The following RMDN3 variants were observed in gnomAD, a reference collection of about 807,000 sequenced individuals.
RMDN3 encodes regulator of microtubule dynamics 3.
In RMDN3, 41 loss-of-function variants were observed where a neutral mutation model predicts 61.8. That is an observed-to-expected ratio of 0.66 (90% CI 0.52 to 0.86). The LOEUF (loss-of-function observed/expected upper bound fraction) is 0.86, where lower values mean the gene tolerates loss of function less well. Among genes scored for constraint, RMDN3 ranks in the 40% least tolerant of loss-of-function variants. The probability of loss-of-function intolerance (pLI) is 0.00; values close to 1 mark genes in which losing one functional copy is unlikely to be tolerated. For missense variants in RMDN3, 557 were observed against 585.3 expected (o/e 0.95, Z 0.50); for synonymous variants, 247 against 232.0 (o/e 1.06, Z -0.59).
chr15:40,736,380 G>A lies in RMDN3; in HGVS notation c.*161C>T. On this transcript the variant is annotated 3_prime_UTR_variant, in exon 13 of 13. Coordinates refer to ENST00000338376, the MANE Select transcript of RMDN3 (RefSeq NM_018145.3). ...GCCCCAATTCTAGATTAGGTTAGAG[G>A]TTAGAATAAATTAACTAATGGGGAG... The A allele has an allele frequency of 3.1e-6, 2 of 640,654 alleles. No individual in the cohort carries two copies. The highest frequency in any genetic ancestry group is 2.0e-5 in the South Asian group (1 of 51,170). 39.7% of individuals were successfully genotyped at this position (640,654 alleles called of 1,614,324 possible). A position where few individuals can be genotyped will look rare whatever the true frequency, so the allele number is the denominator to read the frequency against.
Position 40,736,861 on chromosome 15 carries a change from G to GT in RMDN3, c.1359+262dup, listed in dbSNP as rs1033196823. ...CAGTGATGACAGGCAGTTTTGTTTGGTTTTTTTTTGAGATGGAGTTTTGCT... is the reference window on the plus strand; with the variant it reads ...CAGTGATGACAGGCAGTTTTGTTTGGTTTTTTTTTTGAGATGGAGTTTTGCT... On this transcript the variant is annotated intron_variant, in intron 12 of 12. Coordinates refer to ENST00000338376, the MANE Select transcript of RMDN3 (RefSeq NM_018145.3). Among the ~76,000 whole-genome samples the GT allele has an allele frequency of 2.7e-3, 405 of 151,230 alleles. 4 individuals carry two copies. Among genetic ancestry groups the GT allele is most frequent in the African/African-American group, 8.6e-3 (355 of 41,222 alleles).
At chr15:40,736,693 G>T in intron 12 of RMDN3, 99 bp from the exon 13 acceptor site, 1 of 1,020,780 alleles carries the variant, frequency 9.8e-7, no homozygotes, top group Non-Finnish European at 1.5e-6. Context: ...TCCTTCCTGA[G>T]CTCTGCTACA....
At chr15:40,752,484 G>C (rs1897870943) in intron 2 of RMDN3, among the ~76,000 whole-genome samples, 1 of 119,404 alleles carries the variant, frequency 8.4e-6, no homozygotes. Context: ...TGTCCTGCTA[G>C]AGTTAAAAAA....
At position 40,736,496 on chromosome 15, in the gene RMDN3, C is replaced by T; in HGVS notation, c.*45G>A. On this transcript the variant is annotated 3_prime_UTR_variant, in exon 13 of 13. Coordinates refer to ENST00000338376, the MANE Select transcript of RMDN3 (RefSeq NM_018145.3). ...AAGGAAAAAAGCCTCCCCGCCCCCCCACCTTAAATAGTGGCATCAAGTCAT... is the reference window on the plus strand; with the variant it reads ...AAGGAAAAAAGCCTCCCCGCCCCCCTACCTTAAATAGTGGCATCAAGTCAT... The T allele has an allele frequency of 6.3e-7, 1 of 1,585,344 alleles. No homozygotes were observed. Among genetic ancestry groups the T allele is most frequent in the South Asian group, 1.1e-5 (1 of 90,300 alleles).
In RMDN3 at chr15:40,745,194, TC is replaced by T; in HGVS notation, c.589del (p.Glu197LysfsTer4). On this transcript the variant is annotated frameshift_variant, in exon 5 of 13. Coordinates refer to ENST00000338376, the MANE Select transcript of RMDN3 (RefSeq NM_018145.3). LOFTEE classifies it high-confidence loss of function. ...CACAGTCTCACAGCTCACTTCATCT[TC>T]CCCGTCCTCACTTTCTTTGTCAGAG... Reference protein sequence around the residue: ...RDSDKESEDGEDEVSCETVKM... With the variant: ...RDSDKESEDGXDEVSCETVKM... 1 of 1,613,970 alleles carries T rather than the reference TC, an allele frequency of 6.2e-7. No individual in the cohort carries two copies. The highest frequency in any genetic ancestry group is 8.5e-7 in the Non-Finnish European group (1 of 1,179,992).
At chr15:40,742,519 T>A (rs916060590) in intron 6 of RMDN3, among the ~76,000 whole-genome samples, 1 of 152,190 alleles carries the variant, frequency 6.6e-6, no homozygotes, top group South Asian at 2.1e-4. Flanking sequence ...GACAAGACAT[T>A]GCCTGAGACC....
rs775310669 is a variant in RMDN3 at position 40,736,523 on chromosome 15, A to AAGGCCAGTGAAACGTGGTTAGTCTC, written c.1406_*17dup. The AAGGCCAGTGAAACGTGGTTAGTCTC allele has an allele frequency of 1.9e-6, 3 of 1,612,136 alleles. No homozygotes were observed. Among genetic ancestry groups the AAGGCCAGTGAAACGTGGTTAGTCTC allele is most frequent in the Admixed American group, 1.7e-5 (1 of 59,962 alleles). On this transcript the variant is annotated 3_prime_UTR_variant, in exon 13 of 13. Coordinates refer to ENST00000338376, the MANE Select transcript of RMDN3 (RefSeq NM_018145.3). ...CCTTAAATAGTGGCATCAAGTCATG[A>AAGGCCAGTGAAACGTGGTTAGTCTC]AGGCCAGTGAAACGTGGTTAGTCTC...
intron 12 of RMDN3, 104 bp from the exon 13 acceptor site, chr15:40,736,698 G>A (rs1897064224): frequency 1.0e-6 from 1 of 973,726 alleles, no homozygotes; most frequent in African/African-American, 1.6e-5. Flanking sequence ...CCTGAGCTCT[G>A]CTACAGTCTT....
intron 3 of RMDN3, 109 bp downstream of exon 3, chr15:40,751,877 G>A: frequency 8.3e-7 from 1 of 1,200,208 alleles, no homozygotes; most frequent in African/African-American, 1.5e-5. Context: ...TAGGCTAGAA[G>A]CTATAGAACT....
rs1320437344 is a variant in RMDN3, at chr15:40,745,017, T to C, written c.767A>G (p.Lys256Arg). ...GAGCAGCAGCTGGAAGCCCTCCCGCTTGCCTTGCTCATCACCCCTGTGCAG... is the reference window on the plus strand; with the variant it reads ...GAGCAGCAGCTGGAAGCCCTCCCGCCTGCCTTGCTCATCACCCCTGTGCAG... ...DELHRGDEQG[K>R]REGFQLLLNN... is the part of the protein sequence containing the mutation. The change falls in exon 5 of 13, where the codon AAG (lysine) becomes AGG (arginine). Residue 256 changes from lysine (K) to arginine (R), a missense_variant. Physicochemically the swap from Lys to Arg is conservative, Grantham distance 26. Coordinates refer to ENST00000338376, the MANE Select transcript of RMDN3 (RefSeq NM_018145.3). 2 of 1,611,430 alleles carry C rather than the reference T, an allele frequency of 1.2e-6. No homozygotes were observed. The highest frequency in any genetic ancestry group is 1.3e-5 in the African/African-American group (1 of 74,820).
chr15:40,744,484 G>A (rs1171806636), intron 5 of RMDN3, among the ~76,000 whole-genome samples: 1 of 149,998 alleles, frequency 6.7e-6, no homozygotes, highest in Non-Finnish European at 1.5e-5. Context: ...AAAGGAAAAG[G>A]GAAACTTCTA....
rs754228881 is a variant in RMDN3, at chr15:40,740,181, GCTT to G, written c.920_922del (p.Glu307del). On this transcript the variant is annotated inframe_deletion, in exon 7 of 13. Coordinates refer to ENST00000338376, the MANE Select transcript of RMDN3 (RefSeq NM_018145.3). Reference sequence around the variant, plus strand: ...ATCCCCCTTCTCCAGAGCAGCCTCTGCTTCTTCTTTTCCTGTAGGACGAAGGTA... The same window carrying G: ...ATCCCCCTTCTCCAGAGCAGCCTCTGCTTCTTTTCCTGTAGGACGAAGGTA... 1.1e-4 allele frequency: 183 copies of G among 1,610,764 alleles called. No individual in the cohort carries two copies. Among genetic ancestry groups the G allele is most frequent in the South Asian group, 1.5e-4 (14 of 90,688 alleles).
In RMDN3 at chr15:40,752,177, C is replaced by T; in HGVS notation, c.189G>A (p.Val63=). 6.2e-7 allele frequency: 1 copy of T among 1,612,644 alleles called. No individual in the cohort carries two copies. The highest frequency in any genetic ancestry group is 1.1e-5 in the South Asian group (1 of 90,930). ...CACCTGGGACAGCCCGCAGGAGCAT[C>T]ACTGAAGGGGGAAACGAATGGGAGC... ...YTQTSDPGRH[V]MLLRAVPGGA... The change falls in exon 3 of 13, where the codon GTG becomes GTA. Residue 63 remains valine, a splice_region_variant and synonymous_variant. Transcript: ENST00000338376.
Position 40,754,593 on chromosome 15 carries a change from C to T in RMDN3, c.187+4G>A. 1 of 1,609,408 alleles carries T rather than the reference C, an allele frequency of 6.2e-7. No individual in the cohort carries two copies. Among genetic ancestry groups the T allele is most frequent in the Non-Finnish European group, 8.5e-7 (1 of 1,177,032 alleles). On this transcript the variant is annotated splice_donor_region_variant and intron_variant, in intron 2 of 12. Transcript: ENST00000338376. ...GACCGCGGTCTCAGGAGACGGGCTC[C>T]TACCGTGGCGTCCGGGATCTGAAGT...
At chr15:40,743,199 T>C (rs537641326) in intron 6 of RMDN3, among the ~76,000 whole-genome samples, 31 of 152,224 alleles carry the variant, frequency 2.0e-4, no homozygotes, top group Non-Finnish European at 2.9e-4. Flanking sequence ...GGTGGGTGAA[T>C]CAGTTGAGGC....
At chr15:40,738,307 G>A (rs1382805322) in intron 8 of RMDN3, among the ~76,000 whole-genome samples, 194 bp downstream of exon 8, 4 of 152,096 alleles carry the variant, frequency 2.6e-5, no homozygotes, top group Non-Finnish European at 5.9e-5. Flanking sequence ...AGAATCGCTT[G>A]AACCCAGGAG....
chr15:40,745,278 G>C lies in RMDN3; in HGVS notation c.525-19C>G. 1 of 1,610,652 alleles carries C rather than the reference G, an allele frequency of 6.2e-7. No individual in the cohort carries two copies. The highest frequency in any genetic ancestry group is 8.5e-7 in the Non-Finnish European group (1 of 1,178,976). ...TGTGTAACTGGCAGAGAAATGTAAG[G>C]GACAACAAGAGGATTATTCAGCTCA... is the stretch of plus-strand genomic sequence containing the variant. On this transcript the variant is annotated intron_variant, in intron 4 of 12. Transcript: ENST00000338376.
chr15:40,754,788 C>A lies in RMDN3; in HGVS notation c.-5G>T. 3 of 1,557,036 alleles carry A rather than the reference C, an allele frequency of 1.9e-6. No homozygotes were observed. The highest frequency in any genetic ancestry group is 2.3e-5 in the South Asian group (2 of 86,348). ...CAGGGCTCCCAGTCTAGACATGCTG[C>A]ACCTGCGGCCAGCAGAAGTCACCGG... On this transcript the variant is annotated splice_region_variant and 5_prime_UTR_variant, in exon 2 of 13. Transcript: ENST00000338376.
At chr15:40,741,155 T>C (rs763234218) in intron 6 of RMDN3, among the ~76,000 whole-genome samples, 2 of 151,950 alleles carry the variant, frequency 1.3e-5, no homozygotes, top group Non-Finnish European at 2.9e-5. Context: ...GCAGTGTCCA[T>C]GAATCTCAAG....
Sources: allele counts gnomAD v4.1 joint callset (sites outside exome capture counted in the v4.1 genomes callset), GRCh38; gene constraint gnomAD v4.1.1; transcripts MANE v1.5; gene names NCBI Gene and HGNC (gene_info 2026-07-23, HGNC 2026-07-21).